MARCHF3: variants seen among roughly 807,000 people sequenced by gnomAD.
MARCHF3 encodes E3 ubiquitin-protein ligase MARCHF3.
Under a neutral mutation model 24.2 loss-of-function variants are expected in MARCHF3, and 13 were observed. The observed-to-expected ratio is 0.54, with a 90% CI of 0.35 to 0.85. MARCHF3 has a LOEUF of 0.85. Among genes scored for constraint, MARCHF3 ranks in the 40% least tolerant of loss-of-function variants. MARCHF3 has a pLI of 0.01. For synonymous variants in MARCHF3, 144 were observed against 137.3 expected (o/e 1.05, Z -0.34); for missense variants, 276 against 325.0 (o/e 0.85, Z 1.16).
At chr5:126,915,759 G>T (rs1200994949) in intron 2 of MARCHF3, among the ~76,000 whole-genome samples, 7 of 152,184 alleles carry the variant, frequency 4.6e-5, no homozygotes, top group African/African-American at 1.7e-4. Context: ...TCCCACTGAG[G>T]TAGCCTCAGT....
chr5:126,960,227 TG>T (rs1278494668), intron 1 of MARCHF3, among the ~76,000 whole-genome samples: 1 of 152,180 alleles, frequency 6.6e-6, no homozygotes, highest in Non-Finnish European at 1.5e-5. Context: ...TTGGCATAAG[TG>T]GTGCCATTCA....
Position 126,995,502 on chromosome 5 carries a change from T to C in MARCHF3, c.-57+34848A>G, listed in dbSNP as rs17514464. 2.4e-3 allele frequency among the ~76,000 whole-genome samples: 361 copies of C among 152,334 alleles called. 2 individuals carry two copies. The highest frequency in any genetic ancestry group is 0.014 in the Middle Eastern group (4 of 294). On this transcript the variant is annotated intron_variant, in intron 1 of 4. Coordinates refer to ENST00000308660, the MANE Select transcript of MARCHF3 (RefSeq NM_178450.5). ...AGCCTGCCATGTGTGTTTTCTATGA[T>C]GAAGCAAAGTAATCTATTATTCTGA...
chr5:126,965,328 G>A (rs1035217384), intron 1 of MARCHF3, among the ~76,000 whole-genome samples: 1 of 152,188 alleles, frequency 6.6e-6, no homozygotes, highest in Non-Finnish European at 1.5e-5. Flanking sequence ...TTAAGCTAGA[G>A]CTCTTCATCA....
intron 1 of MARCHF3, among the ~76,000 whole-genome samples, chr5:126,919,914 G>A (rs1284982888): frequency 6.6e-6 from 1 of 152,220 alleles, no homozygotes; most frequent in Non-Finnish European, 1.5e-5. Flanking sequence ...GAGACCTGAT[G>A]TGGGGGCACA....
intron 1 of MARCHF3, among the ~76,000 whole-genome samples, chr5:127,029,675 G>A (rs533230224): frequency 6.6e-6 from 1 of 152,304 alleles, no homozygotes; most frequent in East Asian, 1.9e-4. Context: ...GATTCTCCAA[G>A]GCACTGGGCA....
intron 1 of MARCHF3, among the ~76,000 whole-genome samples, chr5:126,948,251 C>T (rs1750095986): frequency 6.6e-6 from 1 of 152,088 alleles, no homozygotes; most frequent in African/African-American, 2.4e-5. Context: ...TTCCAGAAAC[C>T]CCGAGTGTAC....
At chr5:126,890,238 T>C (rs1031301106) in intron 3 of MARCHF3, among the ~76,000 whole-genome samples, 1 of 152,188 alleles carries the variant, frequency 6.6e-6, no homozygotes. Context: ...ACTCACAGAC[T>C]TGTCTTCAGA....
At chr5:126,898,815 T>C (rs1754010023) in intron 3 of MARCHF3, 1 of 974,206 alleles carries the variant, frequency 1.0e-6, no homozygotes, top group African/African-American at 1.8e-5. Flanking sequence ...ATTCCAACTT[T>C]CTATTTATAA....
At chr5:126,908,613 C>T (rs1032591752) in intron 3 of MARCHF3, among the ~76,000 whole-genome samples, 8 of 152,096 alleles carry the variant, frequency 5.3e-5, no homozygotes, top group Non-Finnish European at 7.3e-5. Flanking sequence ...TTGATCGCAT[C>T]GGCTCCTGAG....
intron 3 of MARCHF3, among the ~76,000 whole-genome samples, chr5:126,900,069 C>T (rs1333479658): frequency 6.6e-6 from 1 of 152,124 alleles, no homozygotes; most frequent in Non-Finnish European, 1.5e-5. Context: ...TCATCCTTCC[C>T]TCCTTGCTAA....
At chr5:126,984,383 A>C (rs531518633) in intron 1 of MARCHF3, among the ~76,000 whole-genome samples, 27 of 152,322 alleles carry the variant, frequency 1.8e-4, no homozygotes, top group African/African-American at 6.0e-4. Flanking sequence ...AAGGAAAGCC[A>C]AGCAGGTTAG....
chr5:126,870,546 G>A lies in MARCHF3; in HGVS notation c.*87C>T. 7.0e-6 allele frequency: 9 copies of A among 1,279,590 alleles called. No individual in the cohort carries two copies. In the South Asian group the frequency reaches 1.2e-4, roughly 17 times the overall value. The allele number at this position is 1,279,590 out of a possible 1,614,324, so 79.3% of individuals were successfully genotyped here. Reference sequence around the variant, plus strand: ...CTTAGACCCACAGGCTTAAGGAAGGGCTTGGGGGTCGCTCAGTGCATGACC... The same window carrying A: ...CTTAGACCCACAGGCTTAAGGAAGGACTTGGGGGTCGCTCAGTGCATGACC... On this transcript the variant is annotated 3_prime_UTR_variant, in exon 5 of 5. Transcript: ENST00000308660.
At chr5:126,955,296 T>C (rs1005234188) in intron 1 of MARCHF3, among the ~76,000 whole-genome samples, 9 of 152,242 alleles carry the variant, frequency 5.9e-5, no homozygotes, top group African/African-American at 2.2e-4. Context: ...ACAAAAAAAA[T>C]GCTTCAGTGA....
intron 1 of MARCHF3, among the ~76,000 whole-genome samples, chr5:126,982,703 TCTCTA>T (rs1192923958): frequency 6.6e-6 from 1 of 152,158 alleles, no homozygotes; most frequent in Non-Finnish European, 1.5e-5. Context: ...GCACATCAAC[TCTCTA>T]CTCTAGATTT....
intron 1 of MARCHF3, among the ~76,000 whole-genome samples, chr5:126,984,105 C>T (rs1322571902): frequency 1.3e-5 from 2 of 152,076 alleles, no homozygotes; most frequent in Non-Finnish European, 2.9e-5. Context: ...TGGGAAAAGA[C>T]AATGCCTGGA....
chr5:126,991,792 T>G (rs1047860357), intron 1 of MARCHF3, among the ~76,000 whole-genome samples: 1 of 152,004 alleles, frequency 6.6e-6, no homozygotes, highest in Non-Finnish European at 1.5e-5. Flanking sequence ...CCACTTCCAT[T>G]CTCACTGTAT....
At chr5:127,028,933 C>T (rs1753086647) in intron 1 of MARCHF3, among the ~76,000 whole-genome samples, 2 of 152,168 alleles carry the variant, frequency 1.3e-5, no homozygotes, top group Admixed American at 6.5e-5. Flanking sequence ...CCCCAGTGGT[C>T]GGACTGAAGT....
At chr5:126,999,370 G>A (rs1237559102) in intron 1 of MARCHF3, among the ~76,000 whole-genome samples, 12 of 152,146 alleles carry the variant, frequency 7.9e-5, no homozygotes, top group Non-Finnish European at 4.4e-5. Flanking sequence ...ACAACTTCCT[G>A]CACAGCCTGT....
intron 1 of MARCHF3, among the ~76,000 whole-genome samples, chr5:127,010,437 C>G (rs1752438276): frequency 2.0e-5 from 3 of 152,186 alleles, no homozygotes; most frequent in Admixed American, 2.0e-4. Flanking sequence ...GCTAACCCTA[C>G]ATGGCCCACA....
Sources: allele counts gnomAD v4.1 joint callset (sites outside exome capture counted in the v4.1 genomes callset), GRCh38; gene constraint gnomAD v4.1.1; transcripts MANE v1.5; gene names NCBI Gene and HGNC (gene_info 2026-07-23, HGNC 2026-07-21).